LYPD6: variants seen among roughly 807,000 people sequenced by gnomAD.
LYPD6 encodes the protein LY6/PLAUR domain containing 6, also known as ly6/PLAUR domain-containing protein 6.
A neutral mutation model predicts 22.7 loss-of-function variants in LYPD6; 15 were observed. The observed-to-expected ratio is 0.66, with a 90% CI of 0.44 to 1.02. The LOEUF (loss-of-function observed/expected upper bound fraction) is 1.02, where lower values mean the gene tolerates loss of function less well. LYPD6 is among the 50% of genes least tolerant of loss of function. LYPD6 has a pLI of 0.00. For missense variants in LYPD6, 189 were observed against 208.4 expected, an observed-to-expected ratio of 0.91 and a Z score of 0.57; for synonymous variants, 72 against 77.5, an observed-to-expected ratio of 0.93 and a Z score of 0.37.
downstream of LYPD6, among the ~76,000 whole-genome samples, chr2:149,478,896 A>G (rs534788719): frequency 1.5e-4 from 23 of 152,246 alleles, no homozygotes; most frequent in Admixed American, 1.4e-3. Flanking sequence ...CACACATCAT[A>G]AAAGCAAAAC....
At chr2:149,440,756 A>C (rs1030056808) in intron 2 of LYPD6, among the ~76,000 whole-genome samples, 2 of 127,348 alleles carry the variant, frequency 1.6e-5, no homozygotes, top group African/African-American at 6.2e-5. Context: ...GCTGGAGTGC[A>C]GTGGTGCGAT....
chr2:149,433,001 T>C (rs1195963454), intron 1 of LYPD6, among the ~76,000 whole-genome samples: 1 of 152,218 alleles, frequency 6.6e-6, no homozygotes, highest in Non-Finnish European at 1.5e-5. Flanking sequence ...AATATGTAAA[T>C]GAATATTAAA....
At chr2:149,483,658 TAA>T in the LYPD6 span, among the ~76,000 whole-genome samples, 1 of 152,240 alleles carries the variant, frequency 6.6e-6, no homozygotes, top group Non-Finnish European at 1.5e-5. Context: ...AAAAAATTGA[TAA>T]GTCTGTTAAG....
intron 3 of LYPD6, among the ~76,000 whole-genome samples, chr2:149,453,750 A>G (rs1223976292): frequency 2.0e-5 from 3 of 152,242 alleles, no homozygotes; most frequent in African/African-American, 7.2e-5. Flanking sequence ...GACTTTTTTC[A>G]GACATAGCCC....
At chr2:149,466,998 A>T (rs1360341825) in intron 3 of LYPD6, among the ~76,000 whole-genome samples, 2 of 152,178 alleles carry the variant, frequency 1.3e-5, no homozygotes, top group Admixed American at 6.5e-5. Context: ...CTCTTAGAAG[A>T]TGTGGTAAAT....
intron 1 of LYPD6, among the ~76,000 whole-genome samples, chr2:149,383,666 T>G (rs1682118522): frequency 6.6e-6 from 1 of 152,158 alleles, no homozygotes; most frequent in Non-Finnish European, 1.5e-5. Context: ...AAGAACCAGT[T>G]TGGTAAATTC....
chr2:149,413,005 A>AT (rs1028448073), intron 1 of LYPD6, among the ~76,000 whole-genome samples: 12 of 151,974 alleles, frequency 7.9e-5, no homozygotes, highest in Non-Finnish European at 1.8e-4. Flanking sequence ...TGATATTTAT[A>AT]TTTTTTTCCG....
Position 149,470,888 on chromosome 2 carries a change from G to A in LYPD6, c.*38G>A, listed in dbSNP as rs760894076. On this transcript the variant is annotated 3_prime_UTR_variant, in exon 5 of 5. Coordinates refer to ENST00000334166, the MANE Select transcript of LYPD6 (RefSeq NM_194317.5). ...TCCATGTGTTAATAGCGATCCATGG[G>A]GATCTCGATGGTCCACAGACCTGCA... 4.1e-5 allele frequency: 64 copies of A among 1,569,814 alleles called. No homozygotes were observed. Among genetic ancestry groups the A allele is most frequent in the Non-Finnish European group, 5.2e-5 (59 of 1,144,932 alleles).
chr2:149,390,424 G>T (rs556677523), intron 1 of LYPD6, among the ~76,000 whole-genome samples: 1 of 152,312 alleles, frequency 6.6e-6, no homozygotes, highest in East Asian at 1.9e-4. Context: ...GGGAGGCCTG[G>T]CTTGTCCTGG....
chr2:149,360,338 T>C (rs1019912672), intron 1 of LYPD6, among the ~76,000 whole-genome samples: 2 of 152,180 alleles, frequency 1.3e-5, no homozygotes, highest in Non-Finnish European at 2.9e-5. Context: ...AAGAATGCCT[T>C]AATCTCCTGG....
chr2:149,400,536 G>T (rs1682530574), intron 1 of LYPD6, among the ~76,000 whole-genome samples: 1 of 152,322 alleles, frequency 6.6e-6, no homozygotes, highest in South Asian at 2.1e-4. Flanking sequence ...GGATTATATA[G>T]TCATGTGAAC....
chr2:149,402,177 A>G (rs1682572162), intron 1 of LYPD6, among the ~76,000 whole-genome samples: 1 of 151,714 alleles, frequency 6.6e-6, no homozygotes, highest in South Asian at 2.1e-4. Context: ...GGTTGCTGCA[A>G]ATGCCATTAT....
the LYPD6 span, among the ~76,000 whole-genome samples, chr2:149,480,936 G>T: frequency 6.6e-6 from 1 of 152,158 alleles, no homozygotes; most frequent in Non-Finnish European, 1.5e-5. Flanking sequence ...GCTCACGTGG[G>T]GTTGGCTGTG....
Position 149,422,451 on chromosome 2 carries a change from C to A in LYPD6, c.-71-15187C>A, listed in dbSNP as rs900331995. ...GGGGTCTCTCTGCTCTGGAGCCCAG[C>A]ACTTCATGTCCTTGCTGTAGTGGTT... On this transcript the variant is annotated intron_variant, in intron 1 of 4. Transcript: ENST00000334166. Among the ~76,000 whole-genome samples the A allele has an allele frequency of 7.9e-5, 12 of 152,258 alleles. No individual in the cohort carries two copies. In the South Asian group the frequency reaches 1.2e-3, roughly 16 times the overall value.
rs193105650 is a variant in LYPD6, at chr2:149,367,010, A to G, written c.-72+36288A>G. Among the ~76,000 whole-genome samples the G allele has an allele frequency of 5.3e-5, 8 of 152,230 alleles. No individual in the cohort carries two copies. The East Asian group carries it at 5.8e-4, about 11-fold the overall frequency. On this transcript the variant is annotated intron_variant, in intron 1 of 4. Transcript: ENST00000334166. Reference sequence around the variant, plus strand: ...AACGTTTACATGATGCTGGCTTCCTATGTAACTGCTGAAAAACAAAAGTTT... The same window carrying G: ...AACGTTTACATGATGCTGGCTTCCTGTGTAACTGCTGAAAAACAAAAGTTT...
chr2:149,382,432 A>G (rs1216043458), intron 1 of LYPD6, among the ~76,000 whole-genome samples: 1 of 152,206 alleles, frequency 6.6e-6, no homozygotes, highest in African/African-American at 2.4e-5. Flanking sequence ...AATCAGTCTT[A>G]ATTCATACAT....
the LYPD6 span, among the ~76,000 whole-genome samples, chr2:149,481,442 T>A: frequency 6.6e-6 from 1 of 152,250 alleles, no homozygotes; most frequent in Non-Finnish European, 1.5e-5. Context: ...ATGGACATAT[T>A]CTGACCCCAT....
At chr2:149,440,740 G>T (rs996887008) in intron 2 of LYPD6, among the ~76,000 whole-genome samples, 7 of 119,094 alleles carry the variant, frequency 5.9e-5, no homozygotes, top group African/African-American at 1.0e-4. Flanking sequence ...TCACTCTGTC[G>T]CCCAGGCTGG....
chr2:149,334,756 A>ATTT (rs34573058), intron 1 of LYPD6, among the ~76,000 whole-genome samples: 77 of 143,480 alleles, frequency 5.4e-4, no homozygotes, highest in African/African-American at 1.9e-3. Flanking sequence ...GCAAGTAACG[A>ATTT]TTTTTTTTTT....
Sources: gnomAD v4.1 joint callset for allele counts (sites outside exome capture counted in the v4.1 genomes callset) on GRCh38, gnomAD v4.1.1 for gene constraint, MANE v1.5 for transcripts, NCBI Gene and HGNC (gene_info 2026-07-23, HGNC 2026-07-21) for gene names.